SHB: variants seen among roughly 807,000 people sequenced by gnomAD.
The protein encoded by SHB is SH2 domain-containing adapter protein B.
A neutral mutation model predicts 52.3 loss-of-function variants in SHB; 20 were observed. The ratio of observed to expected loss-of-function variants is 0.38; its 90% CI spans 0.27 to 0.56. SHB has a LOEUF of 0.56. Among genes scored for constraint, SHB ranks in the 20% least tolerant of loss-of-function variants. SHB has a pLI of 0.71. For missense variants in SHB, 825 were observed against 723.3 expected (o/e 1.14, Z -1.61); for synonymous variants, 397 against 316.5 (o/e 1.25, Z -2.70).
intron 2 of SHB, among the ~76,000 whole-genome samples, chr9:37,994,212 G>A (rs953839267): frequency 1.1e-4 from 16 of 152,168 alleles, no homozygotes; most frequent in African/African-American, 3.9e-4. Context: ...CTCTCAGCTG[G>A]CCACTCCAAG....
intron 2 of SHB, among the ~76,000 whole-genome samples, chr9:38,005,009 A>C (rs1478603149): frequency 6.6e-6 from 1 of 152,206 alleles, no homozygotes; most frequent in Non-Finnish European, 1.5e-5. Context: ...CTTCACCAGA[A>C]AGTTCCAGGC....
In SHB at chr9:38,068,040, G is replaced by T; in HGVS notation, c.606C>A (p.Gly202=). 1.3e-6 allele frequency: 2 copies of T among 1,505,586 alleles called. No individual in the cohort carries two copies. 93.3% of individuals were successfully genotyped at this position (1,505,586 alleles called of 1,614,324 possible). Residue 202 remains glycine (G), a synonymous_variant, in exon 1 of 6, where the codon GGC becomes GGA. Coordinates refer to ENST00000377707, the MANE Select transcript of SHB (RefSeq NM_003028.3). Reference sequence around the variant, plus strand: ...TCCAGGTGCGGCCGCCCGCGCAGGCGCCCCCCAGGGGGTCCCCGGCCCCAC... The same window carrying T: ...TCCAGGTGCGGCCGCCCGCGCAGGCTCCCCCCAGGGGGTCCCCGGCCCCAC... The part of the protein sequence containing the change: ...AGGGAGDPLG[G]ACAGGRTWSP...
At chr9:37,924,680 C>T (rs1337917098) in intron 5 of SHB, among the ~76,000 whole-genome samples, 2 of 152,152 alleles carry the variant, frequency 1.3e-5, no homozygotes, top group African/African-American at 4.8e-5. Context: ...TATAACAACA[C>T]CCAGTACTTC....
chr9:38,046,233 G>C (rs1474973524), intron 1 of SHB, among the ~76,000 whole-genome samples: 1 of 152,168 alleles, frequency 6.6e-6, no homozygotes, highest in Non-Finnish European at 1.5e-5. Flanking sequence ...GTTGGGCAAA[G>C]CTTCACTTCT....
rs1198508242 is a variant in SHB, at chr9:37,916,768, C to T, written c.*3053G>A. Among the ~76,000 whole-genome samples, 1 of 152,176 alleles carries T rather than the reference C, an allele frequency of 6.6e-6. No individual in the cohort carries two copies. Among genetic ancestry groups the T allele is most frequent in the African/African-American group, 2.4e-5 (1 of 41,434 alleles). ...CAGGCGGTGGGGCCCTCTTCCCCTACAAAGCCTCCTTTCTTTCTGTGGGCG... is the reference window on the plus strand; with the variant it reads ...CAGGCGGTGGGGCCCTCTTCCCCTATAAAGCCTCCTTTCTTTCTGTGGGCG... On this transcript the variant is annotated 3_prime_UTR_variant, in exon 6 of 6. Coordinates refer to ENST00000377707, the MANE Select transcript of SHB (RefSeq NM_003028.3).
chr9:38,017,161 G>A (rs933956126), intron 1 of SHB, among the ~76,000 whole-genome samples: 9 of 152,138 alleles, frequency 5.9e-5, no homozygotes, highest in Non-Finnish European at 1.3e-4. Context: ...GCTTAGCCCC[G>A]CTTCATCATA....
chr9:38,053,538 G>T (rs1372350979), intron 1 of SHB, among the ~76,000 whole-genome samples: 1 of 152,178 alleles, frequency 6.6e-6, no homozygotes, highest in Non-Finnish European at 1.5e-5. Context: ...CACCCAGCCA[G>T]AATGGGACTC....
At chr9:37,969,339 T>A (rs1820566834) in intron 3 of SHB, among the ~76,000 whole-genome samples, 1 of 152,196 alleles carries the variant, frequency 6.6e-6, no homozygotes, top group Admixed American at 6.5e-5. Flanking sequence ...TTTCTTCTCA[T>A]GGGACCTTAG....
intron 5 of SHB, among the ~76,000 whole-genome samples, chr9:37,926,639 G>A (rs1023640628): frequency 3.0e-4 from 45 of 152,196 alleles, no homozygotes; most frequent in Non-Finnish European, 5.1e-4. Flanking sequence ...ACACGACCCC[G>A]TTCTCCCTCA....
chr9:37,976,604 C>T (rs1809121533), intron 2 of SHB, among the ~76,000 whole-genome samples: 1 of 152,188 alleles, frequency 6.6e-6, no homozygotes, highest in Non-Finnish European at 1.5e-5. Context: ...CAAGGTTCTT[C>T]CATGTTGTAG....
intron 5 of SHB, among the ~76,000 whole-genome samples, chr9:37,932,273 CAAAAA>C (rs56281324): frequency 1.8e-5 from 1 of 56,736 alleles, no homozygotes; most frequent in Non-Finnish European, 3.3e-5. Context: ...AACTCCATCT[CAAAAA>C]AAAAAAAAAA....
chr9:38,045,151 A>G (rs1322729385), intron 1 of SHB, among the ~76,000 whole-genome samples: 1 of 152,240 alleles, frequency 6.6e-6, no homozygotes, highest in African/African-American at 2.4e-5. Flanking sequence ...ATGTCAAGCT[A>G]TGAGTCTGGA....
At chr9:37,936,818 A>G (rs1832377439) in intron 5 of SHB, 1 of 152,214 alleles carries the variant, frequency 6.6e-6, no homozygotes, top group South Asian at 2.1e-4. Context: ...TACAAAACAG[A>G]GAGAGGCTCT....
chr9:37,944,509 G>A (rs1461924721), intron 5 of SHB, among the ~76,000 whole-genome samples: 1 of 152,224 alleles, frequency 6.6e-6, no homozygotes, highest in Non-Finnish European at 1.5e-5. Context: ...TGTAAGGAAT[G>A]CCGGGGAGGA....
chr9:38,032,790 A>G (rs1298182053), intron 1 of SHB, among the ~76,000 whole-genome samples: 1 of 152,218 alleles, frequency 6.6e-6, no homozygotes, highest in Non-Finnish European at 1.5e-5. Flanking sequence ...CAGAATGAGC[A>G]CCAGCGTTGT....
chr9:37,983,164 C>G (rs904690567), intron 2 of SHB, among the ~76,000 whole-genome samples: 1 of 152,200 alleles, frequency 6.6e-6, no homozygotes, highest in Non-Finnish European at 1.5e-5. Context: ...TTAATGGGAG[C>G]AGACTTGATA....
intron 2 of SHB, among the ~76,000 whole-genome samples, chr9:37,999,927 AC>A (rs1450465054): frequency 6.6e-6 from 1 of 152,024 alleles, no homozygotes; most frequent in Non-Finnish European, 1.5e-5. Context: ...CATGCCCTCT[AC>A]CCCCAGCCCT....
chr9:38,049,016 G>A (rs1052397751), intron 1 of SHB, among the ~76,000 whole-genome samples: 30 of 152,162 alleles, frequency 2.0e-4, no homozygotes, highest in Middle Eastern at 3.4e-3. Context: ...AGACAGAAAC[G>A]AACATCCTTT....
chr9:37,984,548 T>TC (rs1355336149), intron 2 of SHB, among the ~76,000 whole-genome samples: 2 of 152,114 alleles, frequency 1.3e-5, no homozygotes, highest in Admixed American at 1.3e-4. Flanking sequence ...GGACCAGGGC[T>TC]CTCCTGGCCT....
Sources: gnomAD v4.1 joint callset for allele counts (sites outside exome capture counted in the v4.1 genomes callset) on GRCh38, gnomAD v4.1.1 for gene constraint, MANE v1.5 for transcripts, NCBI Gene and HGNC (gene_info 2026-07-23, HGNC 2026-07-21) for gene names.